MAP3K19: variants seen among roughly 807,000 people sequenced by gnomAD.
MAP3K19 encodes the protein mitogen-activated protein kinase kinase kinase 19.
A neutral mutation model predicts 114.4 loss-of-function variants in MAP3K19; 91 were observed. The ratio of observed to expected loss-of-function variants is 0.80; its 90% confidence interval spans 0.67 to 0.95. MAP3K19 has a LOEUF of 0.95. Ranked by LOEUF, MAP3K19 falls within the 40% of genes least tolerant of loss-of-function variation. MAP3K19 has a pLI of 0.00. For synonymous variants in MAP3K19, 518 were observed against 530.5 expected, an observed-to-expected ratio of 0.98 and a Z score of 0.32; for missense variants, 1,471 against 1,573.2, an observed-to-expected ratio of 0.94 and a Z score of 1.10.
At chr2:134,992,056 T>A (rs1310297328) in intron 8 of MAP3K19, among the ~76,000 whole-genome samples, 1 of 152,322 alleles carries the variant, frequency 6.6e-6, no homozygotes, top group Admixed American at 6.5e-5. Flanking sequence ...CTATGAATTG[T>A]AAGCAAATGC....
At chr2:135,046,472 C>T (rs1295744458) in intron 1 of MAP3K19, among the ~76,000 whole-genome samples, 1 of 152,120 alleles carries the variant, frequency 6.6e-6, no homozygotes, top group Admixed American at 6.5e-5. Flanking sequence ...GACAGGGTTT[C>T]ACCATGTTGG....
rs144464902 is a variant in MAP3K19, at chr2:134,968,067, G to A, written c.3921-3151C>T. Among the ~76,000 whole-genome samples, 4,389 of 152,094 alleles carry A rather than the reference G, an allele frequency of 0.029. 443 individuals carry two copies. The East Asian group carries it at 0.39, about 14-fold the overall frequency. On this transcript the variant is annotated intron_variant, in intron 12 of 12. Coordinates refer to ENST00000392915, the MANE Select transcript of MAP3K19 (RefSeq NM_025052.5). ...TTAGGGAATGGTGATGACTCCCAAC[G>A]AGCATGCTGCCTTCAAGCATCTGTT...
In MAP3K19 at chr2:134,987,324, A is replaced by AT; in HGVS notation, c.1547dup (p.His516GlnfsTer2). On this transcript the variant is annotated frameshift_variant, in exon 10 of 13. Transcript: ENST00000392915. LOFTEE classifies it high-confidence loss of function. Reference sequence around the variant, plus strand: ...CTTGGTGTACAGGTATGTTGACACTATGGTTGTTATGAATGGTTCCCTTTC... The same window carrying AT: ...CTTGGTGTACAGGTATGTTGACACTATTGGTTGTTATGAATGGTTCCCTTTC... 6.2e-7 allele frequency: 1 copy of AT among 1,614,100 alleles called. No homozygotes were observed. Among genetic ancestry groups the AT allele is most frequent in the Non-Finnish European group, 8.5e-7 (1 of 1,180,020 alleles).
At chr2:135,029,320 G>A (rs1189083486) in intron 3 of MAP3K19, among the ~76,000 whole-genome samples, 5 of 152,148 alleles carry the variant, frequency 3.3e-5, no homozygotes, top group Non-Finnish European at 5.9e-5. Context: ...AGATTGCAGT[G>A]AGCCGAGATC....
intron 3 of MAP3K19, among the ~76,000 whole-genome samples, chr2:135,025,454 C>T (rs1420056967): frequency 2.1e-5 from 3 of 140,652 alleles, no homozygotes; most frequent in Non-Finnish European, 4.5e-5. Context: ...GGCGCGATCT[C>T]GGCTCACTGC....
intron 8 of MAP3K19, among the ~76,000 whole-genome samples, chr2:134,991,944 C>T (rs1685611173): frequency 6.6e-6 from 1 of 152,160 alleles, no homozygotes; most frequent in Non-Finnish European, 1.5e-5. Context: ...GCTGGCAGAG[C>T]TGCATCACAG....
chr2:134,977,317 G>A (rs1301510936), intron 12 of MAP3K19, among the ~76,000 whole-genome samples: 1 of 149,474 alleles, frequency 6.7e-6, no homozygotes, highest in Non-Finnish European at 1.5e-5. Context: ...GAGTCACTGG[G>A]ACTACAGGTG....
At chr2:135,009,975 G>C (rs545881502) in intron 5 of MAP3K19, among the ~76,000 whole-genome samples, 8 of 152,018 alleles carry the variant, frequency 5.3e-5, no homozygotes, top group Non-Finnish European at 1.2e-4. Flanking sequence ...TAGCTTACAC[G>C]AGGTCACACA....
chr2:134,977,356 ATTT>A (rs774277347), intron 12 of MAP3K19, among the ~76,000 whole-genome samples: 3 of 86,832 alleles, frequency 3.5e-5, no homozygotes, highest in Non-Finnish European at 6.1e-5. Context: ...TAATTTTTAA[ATTT>A]TTTTTTTTTT....
intron 9 of MAP3K19, among the ~76,000 whole-genome samples, chr2:134,989,883 ACCCACCT>A (rs1232201141): frequency 1.3e-5 from 2 of 152,046 alleles, no homozygotes; most frequent in Non-Finnish European, 2.9e-5. Context: ...GGAGTTCAAG[ACCCACCT>A]GACCAACATG....
intron 6 of MAP3K19, among the ~76,000 whole-genome samples, chr2:135,002,434 T>C (rs1471004954): frequency 1.3e-5 from 2 of 152,094 alleles, no homozygotes; most frequent in Non-Finnish European, 2.9e-5. Context: ...TTTTATTTTA[T>C]TTTATTTTAT....
chr2:135,005,529 C>A lies in MAP3K19; in HGVS notation c.141G>T (p.Glu47Asp), dbSNP rs1283556271. ...IILQSISRSE[E>D]FDQDGDCSHS... is the part of the protein sequence containing the mutation. ...GACTGCAGTCACCATCTTGGTCGAA[C>A]TCCTGCAATATCATAAAATTCAAAA... The change falls in exon 6 of 13, where the codon GAG (glutamate) becomes GAT (aspartate). Residue 47 changes from glutamate (E) to aspartate (D), a missense_variant and splice_region_variant. Physicochemically the swap from Glu to Asp is conservative, Grantham distance 45. Coordinates refer to ENST00000392915, the MANE Select transcript of MAP3K19 (RefSeq NM_025052.5). The A allele has an allele frequency of 6.2e-7, 1 of 1,611,810 alleles. No homozygotes were observed. The highest frequency in any genetic ancestry group is 1.1e-5 in the South Asian group (1 of 91,030).
At chr2:134,969,166 A>G (rs1404063635) in intron 12 of MAP3K19, among the ~76,000 whole-genome samples, 1 of 146,464 alleles carries the variant, frequency 6.8e-6, no homozygotes, top group Non-Finnish European at 1.5e-5. Context: ...CAGCCAACAC[A>G]GCGAAACCCC....
intron 12 of MAP3K19, among the ~76,000 whole-genome samples, chr2:134,968,488 G>A (rs868229137): frequency 6.7e-6 from 1 of 148,618 alleles, no homozygotes; most frequent in Admixed American, 6.6e-5. Flanking sequence ...CGGGCGGGGG[G>A]CTGACCCCCC....
intron 11 of MAP3K19, 178 bp downstream of exon 11, chr2:134,983,498 G>T: frequency 1.6e-6 from 1 of 606,960 alleles, no homozygotes. Flanking sequence ...GTCGGATAAA[G>T]CAGTAACTGT....
intron 1 of MAP3K19, among the ~76,000 whole-genome samples, chr2:135,044,689 A>G (rs570588301): frequency 2.5e-4 from 38 of 152,214 alleles, no homozygotes; most frequent in Non-Finnish European, 4.1e-4. Flanking sequence ...GACCTTAGCT[A>G]GATGGGGATG....
At position 134,991,421 on chromosome 2, in the gene MAP3K19, C is replaced by T. The variant is rs774901460; in HGVS notation, c.618+116G>A. 62 of 879,530 alleles carry T rather than the reference C, an allele frequency of 7.0e-5. 1 individual carries two copies. The highest frequency in any genetic ancestry group is 4.3e-4 in the Middle Eastern group (2 of 4,670). 54.5% of individuals were successfully genotyped at this position (879,530 alleles called of 1,614,324 possible). A position where few individuals can be genotyped will look rare whatever the true frequency, so the allele number is the denominator to read the frequency against. ...TGACTGTGTTGGGGACATCAGTGAC[C>T]CTACCCCCTGCATTGTTGAAGGGTC... On this transcript the variant is annotated intron_variant, in intron 9 of 12. Coordinates refer to ENST00000392915, the MANE Select transcript of MAP3K19 (RefSeq NM_025052.5).
intron 3 of MAP3K19, among the ~76,000 whole-genome samples, chr2:135,025,511 G>C (rs1209627806): frequency 2.7e-5 from 4 of 150,028 alleles, no homozygotes; most frequent in Non-Finnish European, 5.9e-5. Context: ...TCAGCCTCCA[G>C]AGTAGCTGGG....
chr2:135,035,330 G>A (rs1688503330), intron 2 of MAP3K19, among the ~76,000 whole-genome samples: 1 of 152,176 alleles, frequency 6.6e-6, no homozygotes, highest in Admixed American at 6.5e-5. Flanking sequence ...CCAGGAGGTA[G>A]GGCCTGCAGT....
Sources: allele counts gnomAD v4.1 joint callset (sites outside exome capture counted in the v4.1 genomes callset), GRCh38; gene constraint gnomAD v4.1.1; transcripts MANE v1.5; gene names NCBI Gene and HGNC (gene_info 2026-07-23, HGNC 2026-07-21).